NPRL3: variants seen among roughly 807,000 people sequenced by gnomAD.
NPRL3 encodes GATOR1 complex protein NPRL3.
A neutral mutation model predicts 57.2 loss-of-function variants in NPRL3; 23 were observed. The ratio of observed to expected loss-of-function variants is 0.40; its 90% CI spans 0.29 to 0.57. NPRL3 has a LOEUF of 0.57. Ranked by LOEUF, NPRL3 falls within the 20% of genes least tolerant of loss-of-function variation. NPRL3 has a pLI of 0.42. For missense variants in NPRL3, 691 were observed against 767.1 expected, an observed-to-expected ratio of 0.90 and a Z score of 1.17; for synonymous variants, 333 against 321.1, an observed-to-expected ratio of 1.04 and a Z score of -0.39.
rs1420686219 is a variant in NPRL3 at position 100,357 on chromosome 16, G to T, written c.767+15C>A. 4.6e-6 allele frequency: 7 copies of T among 1,506,460 alleles called. No homozygotes were observed. In the South Asian group the frequency reaches 9.1e-5, roughly 20 times the overall value. 93.3% of individuals were successfully genotyped at this position (1,506,460 alleles called of 1,614,324 possible). On this transcript the variant is annotated intron_variant, in intron 8 of 13. Transcript: ENST00000611875. ...GGCCCTGGCAGGGAGTGAGCACGTGGGGCTGGGCACTTACCGGATGGCTTT... is the reference window on the plus strand; with the variant it reads ...GGCCCTGGCAGGGAGTGAGCACGTGTGGCTGGGCACTTACCGGATGGCTTT...
chr16:104,495 A>C (rs1899447210), intron 7 of NPRL3, among the ~76,000 whole-genome samples: 1 of 152,170 alleles, frequency 6.6e-6, no homozygotes, highest in Non-Finnish European at 1.5e-5. Flanking sequence ...GTGACTTCCC[A>C]GCTTGGTCAT....
intron 8 of NPRL3, among the ~76,000 whole-genome samples, chr16:99,984 G>GAA (rs11402477): frequency 2.6e-5 from 3 of 115,862 alleles, no homozygotes; most frequent in African/African-American, 7.9e-5. Flanking sequence ...AAAAGAAAAA[G>GAA]AAAAAAAAAA....
At chr16:131,340 G>A (rs529866071) in intron 2 of NPRL3, among the ~76,000 whole-genome samples, 13 of 150,836 alleles carry the variant, frequency 8.6e-5, no homozygotes, top group East Asian at 1.9e-4. Context: ...TTAGCCGGGC[G>A]TGGTGGTGGG....
rs1364502296 is a variant in NPRL3, at chr16:130,574, A to G, written c.136T>C (p.Tyr46His). 4 of 1,555,220 alleles carry G rather than the reference A, an allele frequency of 2.6e-6. No individual in the cohort carries two copies. In the South Asian group the frequency reaches 3.6e-5, roughly 14 times the overall value. ...TGGTCGCCCGTGTTGCTGGCAGCGT[A>G]TCTGCTACGCGGCTTACCTGAGTCG... The part of the protein sequence containing the change: ...ASQTSKPRSR[Y>H]AASNTGDHAD... The change falls in exon 3 of 14, where the codon TAC becomes CAC. Residue 46 changes from tyrosine (Y) to histidine (H), a missense_variant. Transcript: ENST00000611875.
chr16:96,291 C>T (rs1899002442), intron 9 of NPRL3, among the ~76,000 whole-genome samples: 1 of 152,170 alleles, frequency 6.6e-6, no homozygotes, highest in African/African-American at 2.4e-5. Context: ...TGCCAGACAG[C>T]CTCAGGAAAG....
intron 3 of NPRL3, among the ~76,000 whole-genome samples, chr16:120,944 G>C (rs912550043): frequency 4.6e-5 from 7 of 152,128 alleles, no homozygotes; most frequent in African/African-American, 1.7e-4. Flanking sequence ...CAGGGCCAAC[G>C]CCTCACATCC....
In NPRL3 at chr16:103,296, A is replaced by ATTTTTTTTTTTTTTTT. The variant is rs533871530; in HGVS notation, c.630-2803_630-2788dup. On this transcript the variant is annotated intron_variant, in intron 7 of 13. Coordinates refer to ENST00000611875, the MANE Select transcript of NPRL3 (RefSeq NM_001077350.3). ...GACGTGCAACATCACGCCTGGGGTGATTTTTTTTTTTTTTTTTTTTTTTTT... is the reference window on the plus strand; with the variant it reads ...GACGTGCAACATCACGCCTGGGGTGATTTTTTTTTTTTTTTTTTTTTTTTTTTTTTTTTTTTTTTTT... Among the ~76,000 whole-genome samples the ATTTTTTTTTTTTTTTT allele has an allele frequency of 4.0e-3, 170 of 42,126 alleles. 44 individuals are homozygous for ATTTTTTTTTTTTTTTT. The highest frequency in any genetic ancestry group is 6.2e-3 in the East Asian group (9 of 1,446). The allele number at this position is 42,126 out of a possible 152,430, so 27.6% of individuals were successfully genotyped here. A position where few individuals can be genotyped will look rare whatever the true frequency, so the allele number is the denominator to read the frequency against.
Position 93,311 on chromosome 16 carries a change from T to C in NPRL3, c.939A>G (p.Ala313=). ...DLALLQVFQL[A]AHLVYWGKAI... is the part of the protein sequence containing the mutation. Reference sequence around the variant, plus strand: ...CCTTGCCCCAGTACACCAGATGAGCTGCAAGCTGGAAAACCTGCAGGCAAA... The same window carrying C: ...CCTTGCCCCAGTACACCAGATGAGCCGCAAGCTGGAAAACCTGCAGGCAAA... Residue 313 remains alanine, a synonymous_variant, in exon 10 of 14, where the codon GCA becomes GCG. Coordinates refer to ENST00000611875, the MANE Select transcript of NPRL3 (RefSeq NM_001077350.3). The C allele has an allele frequency of 6.4e-7, 1 of 1,556,304 alleles. No individual in the cohort carries two copies. The highest frequency in any genetic ancestry group is 8.7e-7 in the Non-Finnish European group (1 of 1,149,626).
At chr16:102,810 G>A (rs1596511543) in intron 7 of NPRL3, among the ~76,000 whole-genome samples, 1 of 152,218 alleles carries the variant, frequency 6.6e-6, no homozygotes, top group African/African-American at 2.4e-5. Flanking sequence ...TCCCAGAGGA[G>A]GGCAGCAGTC....
Position 102,347 on chromosome 16 carries a change from A to G in NPRL3, c.630-1838T>C, listed in dbSNP as rs919667366. ...GCTGTCTGCAGCTGGCCTTCACCGC[A>G]TCCCCGGAGGCTCCAGGCAACAGGG... On this transcript the variant is annotated intron_variant, in intron 7 of 13. Transcript: ENST00000611875. Among the ~76,000 whole-genome samples the G allele has an allele frequency of 1.8e-4, 27 of 152,178 alleles. 1 individual carries two copies. The highest frequency in any genetic ancestry group is 6.5e-4 in the African/African-American group (27 of 41,450).
intron 13 of NPRL3, among the ~76,000 whole-genome samples, chr16:87,516 C>G (rs573980802): frequency 1.3e-5 from 2 of 148,608 alleles, no homozygotes; most frequent in South Asian, 4.3e-4. Flanking sequence ...AGATTATAAC[C>G]GTGAGCCACT....
intron 9 of NPRL3, among the ~76,000 whole-genome samples, chr16:95,722 A>G (rs1452953834): frequency 1.3e-5 from 2 of 152,070 alleles, no homozygotes; most frequent in African/African-American, 4.8e-5. Context: ...GGCACACACC[A>G]CCATGCCCAG....
chr16:87,873 T>C (rs1184230556), intron 13 of NPRL3, among the ~76,000 whole-genome samples: 1 of 146,552 alleles, frequency 6.8e-6, no homozygotes, highest in Non-Finnish European at 1.5e-5. Context: ...CCTGACTTTT[T>C]TTTTTTTTTT....
At chr16:95,350 T>TATATACACACAC (rs1223611120) in intron 9 of NPRL3, among the ~76,000 whole-genome samples, 21 of 110,978 alleles carry the variant, frequency 1.9e-4, no homozygotes, top group African/African-American at 7.4e-4. Context: ...TATATATATA[T>TATATACACACAC]ACACACACAC....
chr16:104,573 A>G (rs1439862834), intron 7 of NPRL3, among the ~76,000 whole-genome samples: 1 of 152,164 alleles, frequency 6.6e-6, no homozygotes, highest in African/African-American at 2.4e-5. Flanking sequence ...GTACACTGGC[A>G]TGGGGCCCTC....
chr16:132,203 T>C (rs1900843787), intron 2 of NPRL3, among the ~76,000 whole-genome samples: 1 of 152,096 alleles, frequency 6.6e-6, no homozygotes. Flanking sequence ...AGATGAATTT[T>C]TGTCATGTTG....
intron 2 of NPRL3, among the ~76,000 whole-genome samples, chr16:134,012 AC>A (rs1335494336): frequency 6.6e-6 from 1 of 152,216 alleles, no homozygotes; most frequent in Non-Finnish European, 1.5e-5. Flanking sequence ...CAAAACAATC[AC>A]AATAGTAACA....
rs367837297 is a variant in NPRL3 at position 102,617 on chromosome 16, T to C, written c.630-2108A>G. On this transcript the variant is annotated intron_variant, in intron 7 of 13. Transcript: ENST00000611875. ...AACTAGTGCTTTTCCCATCACCCCC[T>C]GACCCTATTCTGCTATTCTCAGCTC... is the stretch of plus-strand genomic sequence containing the variant. Among the ~76,000 whole-genome samples the C allele has an allele frequency of 2.6e-5, 4 of 152,174 alleles. No individual in the cohort carries two copies. The East Asian group carries it at 7.7e-4, about 29-fold the overall frequency.
intron 3 of NPRL3, chr16:124,856 C>T (rs1900443896): frequency 6.6e-6 from 1 of 152,198 alleles, no homozygotes; most frequent in Non-Finnish European, 1.5e-5. Flanking sequence ...GTGGGTGGAT[C>T]GCTTGAGGTC....
Sources: allele counts gnomAD v4.1 joint callset (sites outside exome capture counted in the v4.1 genomes callset), GRCh38; gene constraint gnomAD v4.1.1; transcripts MANE v1.5; gene names NCBI Gene and HGNC (gene_info 2026-07-23, HGNC 2026-07-21).